The following P3H2 variants were observed in gnomAD, a reference collection of about 807,000 sequenced individuals.
P3H2 encodes the protein leprecan-like 1.
P3H2 carries 80 observed loss-of-function variants against 87.0 expected under a neutral mutation model. That is an observed-to-expected ratio of 0.92 (90% CI 0.77 to 1.11). The LOEUF (loss-of-function observed/expected upper bound fraction) is 1.11, where lower values mean the gene tolerates loss of function less well. Ranked by LOEUF, P3H2 falls within the 50% of genes least tolerant of loss-of-function variation. The pLI, the probability that P3H2 is intolerant of heterozygous loss-of-function variation, is 0.00. For synonymous variants in P3H2, 367 were observed against 359.3 expected, an observed-to-expected ratio of 1.02 and a Z score of -0.24; for missense variants, 1,001 against 923.9, an observed-to-expected ratio of 1.08 and a Z score of -1.08.
chr3:189,969,117 T>C, intron 13 of P3H2: 1 of 550,790 alleles, frequency 1.8e-6, no homozygotes, highest in South Asian at 1.9e-5. Context: ...CAGTGAGCAG[T>C]AAACTTTTGG....
chr3:189,980,055 G>C (rs924664728), intron 8 of P3H2, among the ~76,000 whole-genome samples: 5 of 152,136 alleles, frequency 3.3e-5, no homozygotes, highest in Admixed American at 2.6e-4. Context: ...TCCATATCAC[G>C]CATGTTTCAT....
chr3:190,009,678 A>C (rs1724528526), intron 1 of P3H2, among the ~76,000 whole-genome samples: 1 of 152,222 alleles, frequency 6.6e-6, no homozygotes, highest in African/African-American at 2.4e-5. Flanking sequence ...CATTAAAATG[A>C]ATATAGCCTT....
At position 190,120,705 on chromosome 3, in the gene P3H2, C is replaced by G. The variant is rs746901393; in HGVS notation, c.27G>C (p.Pro9=). The change falls in exon 1 of 15, where the codon CCG becomes CCC. Residue 9 remains proline (P), a synonymous_variant. Coordinates refer to ENST00000319332, the MANE Select transcript of P3H2 (RefSeq NM_018192.4). MRERIWAP[P]LLLLLPLLLP... is the part of the protein sequence containing the mutation. ...GTAGCAGCGGCAGCAGCAGCAGCAG[C>G]GGCGGCGCCCAGATGCGCTCCCGCA... 2.5e-4 allele frequency: 383 copies of G among 1,519,834 alleles called. 1 individual carries two copies. The highest frequency in any genetic ancestry group is 9.8e-4 in the Admixed American group (49 of 49,748). The allele number at this position is 1,519,834 out of a possible 1,614,324, so 94.1% of individuals were successfully genotyped here. A position where few individuals can be genotyped will look rare whatever the true frequency, so the allele number is the denominator to read the frequency against.
chr3:190,046,449 A>C (rs928751039), intron 1 of P3H2, among the ~76,000 whole-genome samples: 1 of 152,220 alleles, frequency 6.6e-6, no homozygotes, highest in Non-Finnish European at 1.5e-5. Context: ...TAATGCTGCC[A>C]AATTCCATTG....
At chr3:189,970,191 A>T (rs986651806) in intron 13 of P3H2, among the ~76,000 whole-genome samples, 4 of 53,976 alleles carry the variant, frequency 7.4e-5, no homozygotes, top group Non-Finnish European at 9.7e-5. Context: ...TATATATGCA[A>T]ATATATATAT....
chr3:190,120,917 C>T, upstream of P3H2: 2 of 942,966 alleles, frequency 2.1e-6, no homozygotes, highest in Non-Finnish European at 3.0e-6. Context: ...GCCTGGCCAG[C>T]CGCTCTTAAA....
At position 189,988,959 on chromosome 3, in the gene P3H2, G is replaced by A. The variant is rs546454555; in HGVS notation, c.903C>T (p.Ile301=). The change falls in exon 4 of 15, where the codon ATC becomes ATT. Residue 301 remains isoleucine, a synonymous_variant. Transcript: ENST00000319332. Reference sequence around the variant, plus strand: ...CATAGTGCAGAGGAAGAAAATTCTCGATGGGAGAGAGGCGGCCAGGGCGGG... The same window carrying A: ...CATAGTGCAGAGGAAGAAAATTCTCAATGGGAGAGAGGCGGCCAGGGCGGG... ...LATRPGRLSP[I]ENFLPLHYDY... 75 of 1,614,090 alleles carry A rather than the reference G, an allele frequency of 4.6e-5. No individual in the cohort carries two copies. The highest frequency in any genetic ancestry group is 1.6e-4 in the Middle Eastern group (1 of 6,062).
intron 13 of P3H2, chr3:189,969,450 T>C: frequency 1.2e-6 from 1 of 866,072 alleles, no homozygotes; most frequent in Non-Finnish European, 2.0e-6. Flanking sequence ...CCCATTGGAA[T>C]ATGGCACACT....
At chr3:190,014,663 G>A (rs1400898167) in intron 1 of P3H2, among the ~76,000 whole-genome samples, 6 of 151,990 alleles carry the variant, frequency 3.9e-5, no homozygotes. Flanking sequence ...CATCTTCTGG[G>A]GCTTGAGTCA....
chr3:189,978,061 C>T (rs1166360122), intron 8 of P3H2, among the ~76,000 whole-genome samples: 1 of 152,082 alleles, frequency 6.6e-6, no homozygotes, highest in African/African-American at 2.4e-5. Context: ...ATATTCCATT[C>T]CAATTTAGAA....
chr3:190,105,594 T>C (rs1289456275), intron 1 of P3H2, among the ~76,000 whole-genome samples: 2 of 152,216 alleles, frequency 1.3e-5, no homozygotes, highest in African/African-American at 4.8e-5. Context: ...TGCCCCAAGA[T>C]GAGGACCAGC....
At chr3:190,024,067 G>A (rs762235914) in intron 1 of P3H2, among the ~76,000 whole-genome samples, 2 of 152,176 alleles carry the variant, frequency 1.3e-5, no homozygotes, top group East Asian at 3.9e-4. Flanking sequence ...AGGACATGGT[G>A]CATGGTGCCC....
chr3:189,965,023 T>G (rs1265504593), intron 13 of P3H2, among the ~76,000 whole-genome samples: 1 of 152,196 alleles, frequency 6.6e-6, no homozygotes, highest in Non-Finnish European at 1.5e-5. Context: ...TACAGAAACT[T>G]TATTCATTCC....
At chr3:190,037,968 A>G (rs1577288377) in intron 1 of P3H2, among the ~76,000 whole-genome samples, 1 of 152,212 alleles carries the variant, frequency 6.6e-6, no homozygotes, top group East Asian at 1.9e-4. Context: ...GATCTCAAAG[A>G]TCTCCAAGAT....
intron 1 of P3H2, among the ~76,000 whole-genome samples, chr3:190,000,226 A>C (rs1724168521): frequency 6.6e-6 from 1 of 152,210 alleles, no homozygotes; most frequent in South Asian, 2.1e-4. Context: ...TTTCCAGAGA[A>C]ACTGAACTTC....
Position 190,019,785 on chromosome 3 carries a change from A to AATATAT in P3H2, c.481-24349_481-24344dup, listed in dbSNP as rs1210566859. 1.2e-3 allele frequency among the ~76,000 whole-genome samples: 46 copies of AATATAT among 37,376 alleles called. 1 individual carries two copies. Among genetic ancestry groups the AATATAT allele is most frequent in the African/African-American group, 2.3e-3 (34 of 15,074 alleles). The allele number at this position is 37,376 out of a possible 152,430, so 24.5% of individuals were successfully genotyped here. On this transcript the variant is annotated intron_variant, in intron 1 of 14. Coordinates refer to ENST00000319332, the MANE Select transcript of P3H2 (RefSeq NM_018192.4). ...ATGTGACATTACCTAGAAATTAAAA[A>AATATAT]ATATATATATATATATATATATATA...
At position 190,120,702 on chromosome 3, in the gene P3H2, C is replaced by G. The variant is rs1296257985; in HGVS notation, c.30G>C (p.Leu10=). The part of the protein sequence containing the change: MRERIWAPP[L]LLLLPLLLPP... The stretch of plus-strand genomic sequence containing the variant: ...GCAGTAGCAGCGGCAGCAGCAGCAG[C>G]AGCGGCGGCGCCCAGATGCGCTCCC... Residue 10 remains leucine (L), a synonymous_variant, in exon 1 of 15, where the codon CTG becomes CTC. Transcript: ENST00000319332. 2 of 1,520,304 alleles carry G rather than the reference C, an allele frequency of 1.3e-6. No homozygotes were observed. Among genetic ancestry groups the G allele is most frequent in the Admixed American group, 4.0e-5 (2 of 49,822 alleles). The allele number at this position is 1,520,304 out of a possible 1,614,324, so 94.2% of individuals were successfully genotyped here.
intron 1 of P3H2, among the ~76,000 whole-genome samples, chr3:190,039,829 C>T (rs1560374437): frequency 6.6e-6 from 1 of 152,124 alleles, no homozygotes; most frequent in African/African-American, 2.4e-5. Context: ...TTTATTGATT[C>T]TTGTTTCCCC....
chr3:189,994,930 C>T (rs946559667), intron 2 of P3H2, among the ~76,000 whole-genome samples: 3 of 151,850 alleles, frequency 2.0e-5, no homozygotes, highest in African/African-American at 7.3e-5. Flanking sequence ...GCCTCACCTC[C>T]TAGGTATAAA....
Sources: allele counts gnomAD v4.1 joint callset (sites outside exome capture counted in the v4.1 genomes callset), GRCh38; gene constraint gnomAD v4.1.1; transcripts MANE v1.5; gene names NCBI Gene and HGNC (gene_info 2026-07-23, HGNC 2026-07-21).